The following MAGI2 variants were observed in gnomAD, a reference collection of about 807,000 sequenced individuals.
MAGI2 encodes membrane-associated guanylate kinase, WW and PDZ domain-containing protein 2.
Under a neutral mutation model 133.3 loss-of-function variants are expected in MAGI2, and 35 were observed. That is an observed-to-expected ratio of 0.26 (90% CI 0.20 to 0.35). The LOEUF is 0.35. Among genes scored for constraint, MAGI2 ranks in the 10% least tolerant of loss-of-function variants. MAGI2 has a pLI of 1.00. For missense variants in MAGI2, 1,636 were observed against 1,863.4 expected (o/e 0.88, Z 2.25); for synonymous variants, 729 against 710.6 (o/e 1.03, Z -0.41).
Position 78,020,120 on chromosome 7 carries a change from C to T in MAGI2, c.3707-144G>A. ...CCGCCCCCACCCCCACCCCCACCCT[C>T]ACTGCCGAGAGGGCAGCGGCCGCGC... On this transcript the variant is annotated intron_variant, in intron 21 of 21. Coordinates refer to ENST00000354212, the MANE Select transcript of MAGI2 (RefSeq NM_012301.4). 1.8e-5 allele frequency: 13 copies of T among 742,530 alleles called. No homozygotes were observed. The South Asian group carries it at 2.4e-4, about 14-fold the overall frequency. The allele number at this position is 742,530 out of a possible 1,614,324, so 46.0% of individuals were successfully genotyped here. A position where few individuals can be genotyped will look rare whatever the true frequency, so the allele number is the denominator to read the frequency against.
intron 1 of MAGI2, among the ~76,000 whole-genome samples, chr7:79,343,679 G>A (rs1841082974): frequency 6.6e-6 from 1 of 152,052 alleles, no homozygotes; most frequent in Non-Finnish European, 1.5e-5. Context: ...TCTGCTCCCT[G>A]TAGCTAATCA....
chr7:78,942,904 AAC>A (rs1491391393), intron 2 of MAGI2, among the ~76,000 whole-genome samples: 1 of 151,692 alleles, frequency 6.6e-6, no homozygotes, highest in South Asian at 2.1e-4. Flanking sequence ...AAAAAAAAAA[AAC>A]AAAAACATTT....
At chr7:79,165,971 T>A (rs1019932853) in intron 1 of MAGI2, among the ~76,000 whole-genome samples, 8 of 152,076 alleles carry the variant, frequency 5.3e-5, no homozygotes, top group South Asian at 2.1e-4. Flanking sequence ...GTTCTATGTT[T>A]TTGCTTGATT....
intron 5 of MAGI2, among the ~76,000 whole-genome samples, chr7:78,497,834 C>A (rs1794265468): frequency 1.3e-5 from 2 of 151,592 alleles, no homozygotes; most frequent in Admixed American, 6.6e-5. Context: ...TTGTCATGAT[C>A]TTCATTTCAA....
intron 2 of MAGI2, among the ~76,000 whole-genome samples, chr7:78,655,516 G>C (rs940588275): frequency 7.5e-6 from 1 of 133,776 alleles, no homozygotes; most frequent in Non-Finnish European, 1.5e-5. Flanking sequence ...TTACAGCATA[G>C]AGAATACGTC....
chr7:78,432,178 A>T (rs1300908538), intron 6 of MAGI2, among the ~76,000 whole-genome samples: 3 of 151,694 alleles, frequency 2.0e-5, no homozygotes, highest in Non-Finnish European at 2.9e-5. Context: ...CATTCTGTAC[A>T]TTAGAACACA....
chr7:78,976,814 A>C, intron 2 of MAGI2, among the ~76,000 whole-genome samples: 1 of 151,616 alleles, frequency 6.6e-6, no homozygotes, highest in East Asian at 1.9e-4. Flanking sequence ...ACTAACAATA[A>C]AAAATTGGAA....
intron 6 of MAGI2, among the ~76,000 whole-genome samples, chr7:78,406,153 T>C (rs976547278): frequency 1.3e-5 from 2 of 152,012 alleles, no homozygotes; most frequent in Non-Finnish European, 2.9e-5. Context: ...TATAGATATA[T>C]TAATGAACAA....
chr7:78,067,128 G>T (rs1383372616), intron 21 of MAGI2, among the ~76,000 whole-genome samples: 3 of 152,306 alleles, frequency 2.0e-5, no homozygotes, highest in South Asian at 2.1e-4. Context: ...ATAAATGTCA[G>T]AAGTAGAAAT....
chr7:78,174,558 G>A (rs59057547), intron 14 of MAGI2, among the ~76,000 whole-genome samples: 15,216 of 152,142 alleles, frequency 0.1, 834 homozygotes, highest in East Asian at 0.18. Context: ...AAATAATTTG[G>A]TCTCAGCCCA....
chr7:78,232,289 A>G (rs776246968), intron 10 of MAGI2, among the ~76,000 whole-genome samples: 1 of 152,210 alleles, frequency 6.6e-6, no homozygotes, highest in Non-Finnish European at 1.5e-5. Context: ...TTTATGAACA[A>G]ATAGAATTTG....
chr7:79,098,296 A>G (rs1817683294), intron 1 of MAGI2, among the ~76,000 whole-genome samples: 2 of 152,186 alleles, frequency 1.3e-5, no homozygotes. Context: ...TGGTAGCCCT[A>G]TCAGCCCTGA....
At chr7:79,030,517 G>T (rs541946458) in intron 1 of MAGI2, among the ~76,000 whole-genome samples, 2 of 152,244 alleles carry the variant, frequency 1.3e-5, no homozygotes, top group African/African-American at 4.8e-5. Context: ...GTTTTTGTTT[G>T]TTCCTTTGTT....
chr7:79,239,820 A>G (rs766146700), intron 1 of MAGI2, among the ~76,000 whole-genome samples: 92 of 152,344 alleles, frequency 6.0e-4, no homozygotes, highest in Non-Finnish European at 5.0e-4. Flanking sequence ...TTTCTCAACT[A>G]AAATCAGGGA....
intron 10 of MAGI2, among the ~76,000 whole-genome samples, chr7:78,242,153 T>A (rs962221350): frequency 6.6e-5 from 10 of 152,064 alleles, no homozygotes; most frequent in Non-Finnish European, 1.5e-4. Context: ...TAGAACTGAG[T>A]TCTGGCCAAT....
intron 9 of MAGI2, among the ~76,000 whole-genome samples, chr7:78,273,877 A>AACAT (rs1295259135): frequency 1.3e-5 from 2 of 152,102 alleles, no homozygotes; most frequent in African/African-American, 4.8e-5. Flanking sequence ...ATTGAGTTAG[A>AACAT]ACATGCTCCT....
chr7:78,873,737 C>A (rs182295384), intron 2 of MAGI2, among the ~76,000 whole-genome samples: 6 of 152,256 alleles, frequency 3.9e-5, no homozygotes, highest in African/African-American at 1.4e-4. Flanking sequence ...TTTCATGAAA[C>A]CTGTCCCTGG....
intron 1 of MAGI2, among the ~76,000 whole-genome samples, chr7:79,438,924 T>A (rs937685904): frequency 2.6e-5 from 4 of 152,180 alleles, no homozygotes; most frequent in Non-Finnish European, 5.9e-5. Flanking sequence ...CCACCTACAG[T>A]ATAATGTCCA....
rs1159957807 is a variant in MAGI2, at chr7:79,419,541, C to G, written c.301+33479G>C. On this transcript the variant is annotated intron_variant, in intron 1 of 21. Transcript: ENST00000354212. ...TTTAGCTTTGAATCTTCCAAATTAA[C>G]CCATAGCTGTTTTGGCTCAAATGAC... Among the ~76,000 whole-genome samples the G allele has an allele frequency of 5.9e-5, 9 of 152,102 alleles. No individual in the cohort carries two copies. In the East Asian group the frequency reaches 1.7e-3, roughly 29 times the overall value.
Sources: gnomAD v4.1 joint callset for allele counts (sites outside exome capture counted in the v4.1 genomes callset) on GRCh38, gnomAD v4.1.1 for gene constraint, MANE v1.5 for transcripts, NCBI Gene and HGNC (gene_info 2026-07-23, HGNC 2026-07-21) for gene names.